The following RPS6KC1 variants were observed in gnomAD, a reference collection of about 807,000 sequenced individuals.
RPS6KC1 encodes ribosomal protein S6 kinase C1.
A neutral mutation model predicts 103.8 loss-of-function variants in RPS6KC1; 54 were observed. That is an observed-to-expected ratio of 0.52 (90% confidence interval 0.42 to 0.65). The LOEUF (loss-of-function observed/expected upper bound fraction) is 0.65, where lower values mean the gene tolerates loss of function less well. Ranked by LOEUF, RPS6KC1 falls within the 30% of genes least tolerant of loss-of-function variation. RPS6KC1 has a pLI of 0.00. For synonymous variants in RPS6KC1, 439 were observed against 438.7 expected, an observed-to-expected ratio of 1.00 and a Z score of -0.01; for missense variants, 1,151 against 1,253.8, an observed-to-expected ratio of 0.92 and a Z score of 1.24.
chr1:213,692,108 A>C, the RPS6KC1 span, among the ~76,000 whole-genome samples: 1 of 152,318 alleles, frequency 6.6e-6, no homozygotes, highest in South Asian at 2.1e-4. Flanking sequence ...AAGTTTATTA[A>C]AAAGCTTTAA....
At chr1:213,588,730 C>G in the RPS6KC1 span, among the ~76,000 whole-genome samples, 29 of 152,226 alleles carry the variant, frequency 1.9e-4, 2 homozygotes, top group African/African-American at 6.5e-4. Context: ...CTCCTGGGCT[C>G]TAGTCACTAA....
At chr1:213,649,957 G>A in the RPS6KC1 span, among the ~76,000 whole-genome samples, 18 of 152,086 alleles carry the variant, frequency 1.2e-4, no homozygotes, top group Admixed American at 4.6e-4. Flanking sequence ...ACACTTTATC[G>A]GTGCTATCTC....
the RPS6KC1 span, among the ~76,000 whole-genome samples, chr1:213,392,625 T>A: frequency 6.6e-6 from 1 of 152,186 alleles, no homozygotes; most frequent in African/African-American, 2.4e-5. Context: ...ATCTTATGCA[T>A]CTTTGTATTT....
the RPS6KC1 span, among the ~76,000 whole-genome samples, chr1:213,407,222 A>G: frequency 0.31 from 16,421 of 53,736 alleles, 1,177 homozygotes; most frequent in Non-Finnish European, 0.36. Context: ...ACGCGCGCAC[A>G]CACACACACA....
At chr1:213,335,810 A>G in the RPS6KC1 span, among the ~76,000 whole-genome samples, 1 of 152,208 alleles carries the variant, frequency 6.6e-6, no homozygotes, top group African/African-American at 2.4e-5. Context: ...TATTTTGCTT[A>G]TTATCTTCTC....
At chr1:213,478,616 T>C in the RPS6KC1 span, among the ~76,000 whole-genome samples, 11 of 152,200 alleles carry the variant, frequency 7.2e-5, no homozygotes, top group African/African-American at 2.4e-4. Flanking sequence ...TTATGTATGA[T>C]GCTAAGCATC....
intron 10 of RPS6KC1, among the ~76,000 whole-genome samples, chr1:213,232,790 T>C (rs1215686923): frequency 1.3e-5 from 2 of 152,186 alleles, no homozygotes; most frequent in Non-Finnish European, 2.9e-5. Flanking sequence ...CTTCAAACTA[T>C]TTATGAAATT....
the RPS6KC1 span, among the ~76,000 whole-genome samples, chr1:213,536,782 T>C: frequency 6.6e-6 from 1 of 152,206 alleles, no homozygotes; most frequent in African/African-American, 2.4e-5. Context: ...GCCAAACCCC[T>C]GTTAACCTCA....
At chr1:213,072,652 AG>A (rs1203889063) in intron 2 of RPS6KC1, among the ~76,000 whole-genome samples, 5 of 152,216 alleles carry the variant, frequency 3.3e-5, no homozygotes, top group African/African-American at 1.2e-4. Flanking sequence ...TTATTTTGAA[AG>A]AAAAAAATGT....
the RPS6KC1 span, among the ~76,000 whole-genome samples, chr1:213,814,181 G>A: frequency 6.6e-6 from 1 of 152,234 alleles, no homozygotes; most frequent in Non-Finnish European, 1.5e-5. Flanking sequence ...TTTGCTACCT[G>A]AGTCCTTTGC....
chr1:213,151,337 G>C (rs1383372786), intron 6 of RPS6KC1, among the ~76,000 whole-genome samples: 5 of 133,078 alleles, frequency 3.8e-5, no homozygotes, highest in Admixed American at 3.5e-4. Context: ...CGGCTGGCCG[G>C]GCGGGGGGCT....
At chr1:213,808,941 CTT>C in the RPS6KC1 span, among the ~76,000 whole-genome samples, 1 of 152,208 alleles carries the variant, frequency 6.6e-6, no homozygotes, top group Non-Finnish European at 1.5e-5. Flanking sequence ...GGTGGTTTTA[CTT>C]TCTTATCATT....
At chr1:213,276,138 A>C (rs1558681802), downstream of RPS6KC1, among the ~76,000 whole-genome samples, 2 of 152,278 alleles carry the variant, frequency 1.3e-5, no homozygotes, top group Non-Finnish European at 2.9e-5. Context: ...ACTATATTAG[A>C]GCTCCACACC....
At chr1:213,449,867 T>C in the RPS6KC1 span, among the ~76,000 whole-genome samples, 1 of 152,218 alleles carries the variant, frequency 6.6e-6, no homozygotes, top group African/African-American at 2.4e-5. Context: ...TAATTCTTAT[T>C]AGAGATTGCT....
chr1:213,086,606 T>C (rs966615967), intron 3 of RPS6KC1, among the ~76,000 whole-genome samples: 9 of 152,228 alleles, frequency 5.9e-5, no homozygotes, highest in African/African-American at 1.9e-4. Flanking sequence ...AATAATTCTT[T>C]ATAAGACTCC....
At position 213,189,877 on chromosome 1, in the gene RPS6KC1, C is replaced by A. The variant is rs187723568; in HGVS notation, c.1044+13385C>A. 2.6e-5 allele frequency among the ~76,000 whole-genome samples: 4 copies of A among 152,236 alleles called. No individual in the cohort carries two copies. In the East Asian group the frequency reaches 7.7e-4, roughly 29 times the overall value. ...AGTTCAATTATTTTAATTTTTAACT[C>A]CCATAAATAAGTGAGTACATGCAAA... is the stretch of plus-strand genomic sequence containing the variant. On this transcript the variant is annotated intron_variant, in intron 8 of 14. Transcript: ENST00000366960.
the RPS6KC1 span, among the ~76,000 whole-genome samples, chr1:213,715,882 G>T: frequency 7.2e-5 from 11 of 152,136 alleles, no homozygotes; most frequent in Non-Finnish European, 1.6e-4. Context: ...GGCAGGGAGG[G>T]TCCATTGTCT....
At chr1:213,616,722 C>G in the RPS6KC1 span, among the ~76,000 whole-genome samples, 1 of 152,148 alleles carries the variant, frequency 6.6e-6, no homozygotes, top group Non-Finnish European at 1.5e-5. Flanking sequence ...GGTATACATA[C>G]TATAGCATGA....
At chr1:213,769,435 T>A in the RPS6KC1 span, among the ~76,000 whole-genome samples, 5 of 152,010 alleles carry the variant, frequency 3.3e-5, no homozygotes, top group African/African-American at 4.8e-5. Context: ...GTTTAGAGGA[T>A]GTCTGGAGGA....
Sources: gnomAD v4.1 joint callset for allele counts (sites outside exome capture counted in the v4.1 genomes callset) on GRCh38, gnomAD v4.1.1 for gene constraint, MANE v1.5 for transcripts, NCBI Gene and HGNC (gene_info 2026-07-23, HGNC 2026-07-21) for gene names.